Variants in DDAH1 observed in about 807,000 individuals in gnomAD.
The protein encoded by DDAH1 is N(G),N(G)-dimethylarginine dimethylaminohydrolase 1.
A neutral mutation model predicts 28.8 loss-of-function variants in DDAH1; 19 were observed. The observed-to-expected ratio is 0.66, with a 90% confidence interval of 0.46 to 0.97. DDAH1 has a LOEUF of 0.97. Among genes scored for constraint, DDAH1 ranks in the 50% least tolerant of loss-of-function variants. The probability of loss-of-function intolerance (pLI) is 0.00; values close to 1 mark genes in which losing one functional copy is unlikely to be tolerated. For missense variants in DDAH1, 326 were observed against 375.9 expected, an observed-to-expected ratio of 0.87 and a Z score of 1.10; for synonymous variants, 153 against 154.4, an observed-to-expected ratio of 0.99 and a Z score of 0.07.
chr1:85,493,505 A>T (rs1219732584), intron 2 of DDAH1: 3 of 152,238 alleles, frequency 2.0e-5, no homozygotes, highest in Non-Finnish European at 4.4e-5. Flanking sequence ...AAGGCTGTCA[A>T]AGTGGCAAAA....
At chr1:85,506,126 T>G (rs932065821) in intron 1 of DDAH1, among the ~76,000 whole-genome samples, 20 of 152,230 alleles carry the variant, frequency 1.3e-4, no homozygotes, top group African/African-American at 4.6e-4. Flanking sequence ...GTTGTAAAAA[T>G]GAATGGCTGA....
chr1:85,520,381 G>T (rs1416626332), intron 1 of DDAH1, among the ~76,000 whole-genome samples: 10 of 152,158 alleles, frequency 6.6e-5, no homozygotes, highest in Non-Finnish European at 1.0e-4. Context: ...AACTTTTAAA[G>T]GTAGACATGG....
Position 85,331,738 on chromosome 1 carries a change from C to A in DDAH1, c.598-6855G>T, listed in dbSNP as rs1388929006. On this transcript the variant is annotated intron_variant, in intron 4 of 5. Coordinates refer to ENST00000284031, the MANE Select transcript of DDAH1 (RefSeq NM_012137.4). ...CAGACTAGTTCAAAATGAACACTGC[C>A]TGAGAGGGGCTTTAAGATGACTGAC... Among the ~76,000 whole-genome samples, 5 of 152,140 alleles carry A rather than the reference C, an allele frequency of 3.3e-5. No homozygotes were observed. In the East Asian group the frequency reaches 7.7e-4, roughly 23 times the overall value.
intron 4 of DDAH1, among the ~76,000 whole-genome samples, chr1:85,328,044 A>G (rs1570376667): frequency 6.6e-6 from 1 of 152,230 alleles, no homozygotes; most frequent in African/African-American, 2.4e-5. Flanking sequence ...TCAGAGAAAC[A>G]AGGTATGGTC....
intron 4 of DDAH1, among the ~76,000 whole-genome samples, chr1:85,348,255 G>A (rs1431440726): frequency 2.6e-5 from 4 of 152,170 alleles, no homozygotes; most frequent in African/African-American, 9.7e-5. Context: ...AGAAATAGGG[G>A]TGAGTTGCCA....
chr1:85,402,147 C>A (rs1223988311), intron 1 of DDAH1, among the ~76,000 whole-genome samples: 3 of 149,520 alleles, frequency 2.0e-5, no homozygotes, highest in Non-Finnish European at 4.4e-5. Flanking sequence ...CCACCACTCC[C>A]AGCTAATACT....
chr1:85,365,665 A>G (rs1650034652), intron 1 of DDAH1, among the ~76,000 whole-genome samples: 1 of 150,920 alleles, frequency 6.6e-6, no homozygotes, highest in Non-Finnish European at 1.5e-5. Flanking sequence ...TGATGAATTT[A>G]GAGAGATGAG....
chr1:85,428,795 A>G (rs1653532847), intron 1 of DDAH1, among the ~76,000 whole-genome samples: 1 of 152,112 alleles, frequency 6.6e-6, no homozygotes, highest in Admixed American at 6.6e-5. Context: ...CAAGCATTTT[A>G]GCTAGAGGAT....
chr1:85,556,054 G>GGCCACC (rs1658953313), intron 1 of DDAH1, among the ~76,000 whole-genome samples: 1 of 151,430 alleles, frequency 6.6e-6, no homozygotes, highest in Non-Finnish European at 1.5e-5. Context: ...TGGGGAGTGC[G>GGCCACC]GCCACCGCCA....
chr1:85,545,153 G>C (rs1274046544), intron 1 of DDAH1, among the ~76,000 whole-genome samples: 4 of 152,144 alleles, frequency 2.6e-5, no homozygotes, highest in East Asian at 3.9e-4. Context: ...GCATGAAGCA[G>C]AGCCAGGACG....
chr1:85,564,923 G>T (rs542078076), intron 1 of DDAH1, among the ~76,000 whole-genome samples: 4 of 151,630 alleles, frequency 2.6e-5, no homozygotes, highest in African/African-American at 9.7e-5. Flanking sequence ...GTGGCCAGGC[G>T]CAGTGGCTCA....
At chr1:85,506,384 A>T (rs1462661454) in intron 1 of DDAH1, among the ~76,000 whole-genome samples, 7 of 152,180 alleles carry the variant, frequency 4.6e-5, no homozygotes, top group South Asian at 2.1e-4. Flanking sequence ...CAGTTTTTTT[A>T]AAAAAATAAA....
chr1:85,472,797 G>A (rs1655663877), intron 2 of DDAH1, among the ~76,000 whole-genome samples: 1 of 151,982 alleles, frequency 6.6e-6, no homozygotes, highest in Admixed American at 6.6e-5. Flanking sequence ...CTGAGATTTG[G>A]GCTTCTGTTG....
In DDAH1 at chr1:85,559,806, GAA is replaced by G. The variant is rs34636637; in HGVS notation, c.-123+18176_-123+18177del. Among the ~76,000 whole-genome samples, 996 of 147,720 alleles carry G rather than the reference GAA, an allele frequency of 6.7e-3. 11 individuals are homozygous for G. The highest frequency in any genetic ancestry group is 0.022 in the African/African-American group (898 of 40,376). ...AAAATGAAGCACACAGAAAAAGACT[GAA>G]AAAAAAAAAATGAACAGAGCTTTTT... On this transcript the variant is annotated intron_variant, in intron 1 of 6. Coordinates refer to the DDAH1 transcript ENST00000426972.
intron 1 of DDAH1, among the ~76,000 whole-genome samples, chr1:85,569,277 C>G (rs370900265): frequency 2.6e-4 from 39 of 152,300 alleles, no homozygotes; most frequent in East Asian, 2.3e-3. Context: ...CAGGTTTTAT[C>G]TGAAGCAGTC....
At chr1:85,540,728 T>G (rs1570658717) in intron 1 of DDAH1, among the ~76,000 whole-genome samples, 1 of 151,786 alleles carries the variant, frequency 6.6e-6, no homozygotes, top group Non-Finnish European at 1.5e-5. Context: ...GAGGCTGAGG[T>G]GGGTGGATCA....
chr1:85,388,470 G>T lies in DDAH1; in HGVS notation c.304-29623C>A, dbSNP rs140302576. Among the ~76,000 whole-genome samples the T allele has an allele frequency of 3.0e-3, 453 of 152,254 alleles. 6 individuals are homozygous for T. Among genetic ancestry groups the T allele is most frequent in the Non-Finnish European group, 4.2e-3 (288 of 68,020 alleles). On this transcript the variant is annotated intron_variant, in intron 1 of 5. Coordinates refer to ENST00000284031, the MANE Select transcript of DDAH1 (RefSeq NM_012137.4). ...AAAAAGTCATTATATAAAAATAATT[G>T]TAAGCCTTGTTCACAGTGACCCATG...
At chr1:85,537,080 C>T (rs1305741404) in intron 1 of DDAH1, among the ~76,000 whole-genome samples, 2 of 150,774 alleles carry the variant, frequency 1.3e-5, no homozygotes, top group Non-Finnish European at 2.9e-5. Context: ...GTGGCTCATG[C>T]CTGTAATCTC....
chr1:85,528,224 A>G (rs1250719619), intron 1 of DDAH1, among the ~76,000 whole-genome samples: 5 of 146,260 alleles, frequency 3.4e-5, no homozygotes, highest in African/African-American at 1.2e-4. Flanking sequence ...GTGTAAATGT[A>G]TATAAAAAAA....
Sources: gnomAD v4.1 joint callset for allele counts (sites outside exome capture counted in the v4.1 genomes callset) on GRCh38, gnomAD v4.1.1 for gene constraint, MANE v1.5 for transcripts, NCBI Gene and HGNC (gene_info 2026-07-23, HGNC 2026-07-21) for gene names.